The following CSK variants were observed in gnomAD, a reference collection of about 807,000 sequenced individuals.
CSK encodes C-terminal Src kinase.
In CSK, 7 loss-of-function variants were observed where a neutral mutation model predicts 62.3. That is an observed-to-expected ratio of 0.11 (90% CI 0.06 to 0.21). The LOEUF (loss-of-function observed/expected upper bound fraction) is 0.21. CSK is among the 10% of genes least tolerant of loss of function. CSK has a pLI of 1.00. For missense variants in CSK, 294 were observed against 613.5 expected, an observed-to-expected ratio of 0.48 and a Z score of 5.50; for synonymous variants, 237 against 246.0, an observed-to-expected ratio of 0.96 and a Z score of 0.34.
chr15:74,799,760 C>T (rs1340952220), intron 5 of CSK, among the ~76,000 whole-genome samples: 1 of 152,208 alleles, frequency 6.6e-6, no homozygotes, highest in Non-Finnish European at 1.5e-5. Context: ...AGGGGACCCA[C>T]CTGAGGTCCC....
Position 74,802,226 on chromosome 15 carries a change from G to A in CSK, c.1171-105G>A, listed in dbSNP as rs1012894897. On this transcript the variant is annotated intron_variant, in intron 12 of 12. Coordinates refer to ENST00000220003, the MANE Select transcript of CSK (RefSeq NM_004383.3). ...GGGGAGCTCACAGGCCACTCTCCGG[G>A]CCTGGGTCTGCGGCAAAGCTGATGG... 13 of 1,416,038 alleles carry A rather than the reference G, an allele frequency of 9.2e-6. No individual in the cohort carries two copies. In the African/African-American group the frequency reaches 1.9e-4, roughly 20 times the overall value. The allele number at this position is 1,416,038 out of a possible 1,614,324, so 87.7% of individuals were successfully genotyped here.
At chr15:74,792,581 T>C (rs1367017859) in intron 1 of CSK, among the ~76,000 whole-genome samples, 1 of 152,132 alleles carries the variant, frequency 6.6e-6, no homozygotes, top group East Asian at 1.9e-4. Flanking sequence ...AAGGACCCCC[T>C]CTCTGTGCCT....
rs1167598984 is a variant in CSK, at chr15:74,802,700, C to G, written c.*187C>G. On this transcript the variant is annotated 3_prime_UTR_variant, in exon 13 of 13. Transcript: ENST00000220003. ...GGACCCACCTGTGGGGCCTGGGGAGCCCACTGAGGGGCCAGGGAGGAAGGA... is the reference window on the plus strand; with the variant it reads ...GGACCCACCTGTGGGGCCTGGGGAGGCCACTGAGGGGCCAGGGAGGAAGGA... 1.5e-6 allele frequency: 1 copy of G among 678,306 alleles called. No homozygotes were observed. Among genetic ancestry groups the G allele is most frequent in the African/African-American group, 1.9e-5 (1 of 52,044 alleles). 42.0% of individuals were successfully genotyped at this position (678,306 alleles called of 1,614,324 possible). A position where few individuals can be genotyped will look rare whatever the true frequency, so the allele number is the denominator to read the frequency against.
chr15:74,792,383 G>A (rs1004435877), intron 1 of CSK, among the ~76,000 whole-genome samples: 1 of 152,148 alleles, frequency 6.6e-6, no homozygotes, highest in Admixed American at 6.5e-5. Flanking sequence ...GGCAACAGCA[G>A]ATGGGAAACA....
intron 7 of CSK, 27 bp from the exon 8 acceptor site, chr15:74,800,796 G>A: frequency 6.2e-7 from 1 of 1,601,668 alleles, no homozygotes; most frequent in Non-Finnish European, 8.5e-7. Context: ...TCCGAACTTG[G>A]GAACAAGACC....
At chr15:74,800,527 C>A in intron 6 of CSK, 22 bp downstream of exon 6, 1 of 1,607,184 alleles carries the variant, frequency 6.2e-7, no homozygotes, top group Non-Finnish European at 8.5e-7. Context: ...CCACCCCAGA[C>A]CTCTTGCCCA....
At chr15:74,801,419 C>A in intron 9 of CSK, 103 bp from the exon 10 acceptor site, 1 of 1,164,808 alleles carries the variant, frequency 8.6e-7, no homozygotes, top group South Asian at 1.5e-5. Context: ...TTCCCTGTCT[C>A]ACACCTCCCT....
chr15:74,798,886 T>C lies in CSK; in HGVS notation c.190T>C (p.Tyr64His). 6.4e-7 allele frequency: 1 copy of C among 1,550,896 alleles called. No homozygotes were observed. Among genetic ancestry groups the C allele is most frequent in the Non-Finnish European group, 8.7e-7 (1 of 1,149,260 alleles). The change falls in exon 4 of 13, where the codon TAC (tyrosine) becomes CAC (histidine). Residue 64 changes from tyrosine (Y) to histidine (H), a missense_variant. Physicochemically the swap from Tyr to His is moderately conservative, Grantham distance 83 (BLOSUM62 2). Coordinates refer to ENST00000220003, the MANE Select transcript of CSK (RefSeq NM_004383.3). The surrounding 1 kb of genome is among the most constrained non-coding windows in gnomAD (Gnocchi z 6.6). ...CCGTGAGGGCATCATCCCAGCCAAC[T>C]ACGTCCAGAAGCGGGAGGGCGTGAA... ...VGREGIIPAN[Y>H]VQKREGVKAG...
chr15:74,785,589 CAACT>C lies in CSK; in HGVS notation c.-66+2877_-66+2880del, dbSNP rs1204517935. ...TCAGAGGAAGGTGTAAGGACAGTGTCAACTAACTAACCAAGGGACTCTAAAGTGC... is the reference window on the plus strand; with the variant it reads ...TCAGAGGAAGGTGTAAGGACAGTGTCAACTAACCAAGGGACTCTAAAGTGC... On this transcript the variant is annotated intron_variant, in intron 1 of 12. Transcript: ENST00000220003. 2.6e-5 allele frequency among the ~76,000 whole-genome samples: 4 copies of C among 152,328 alleles called. No homozygotes were observed. In the South Asian group the frequency reaches 6.2e-4, roughly 24 times the overall value.
chr15:74,802,220 C>T, intron 12 of CSK, 111 bp from the exon 13 acceptor site: 2 of 1,400,962 alleles, frequency 1.4e-6, no homozygotes, highest in Non-Finnish European at 1.9e-6. Context: ...ACAGGCCACT[C>T]TCCGGGCCTG....
rs1017014764 is a variant in CSK at position 74,790,746 on chromosome 15, T to C, written c.-65-7487T>C. 3 of 152,260 alleles carry C rather than the reference T, an allele frequency of 2.0e-5. No individual in the cohort carries two copies. The East Asian group carries it at 5.8e-4, about 29-fold the overall frequency. The allele number at this position is 152,260 out of a possible 1,614,324, so 9.4% of individuals were successfully genotyped here. ...GTTCATTCATTCATTCATTCAGCAC[T>C]CATTTACTGAGCAGCCGCTTTGGGC... is the stretch of plus-strand genomic sequence containing the variant. On this transcript the variant is annotated intron_variant, in intron 1 of 12. Coordinates refer to ENST00000220003, the MANE Select transcript of CSK (RefSeq NM_004383.3).
rs1343673404 is a variant in CSK at position 74,782,264 on chromosome 15, C to T, written c.-522C>T. On this transcript the variant is annotated 5_prime_UTR_variant, in exon 1 of 13. Coordinates refer to ENST00000220003, the MANE Select transcript of CSK (RefSeq NM_004383.3). This position sits in a 1 kb window ranked among gnomAD's most constrained non-coding sequence, Gnocchi z 5.7. ...GAGCCGGGCGACCGCCCGGCTGCGC[C>T]GCCGTCGGGGCCGTAACCCGGCCCG... The T allele has an allele frequency of 6.7e-6, 1 of 149,024 alleles. No homozygotes were observed. The highest frequency in any genetic ancestry group is 6.7e-5 in the Admixed American group (1 of 14,986). 9.2% of individuals were successfully genotyped at this position (149,024 alleles called of 1,614,324 possible).
At chr15:74,783,485 C>G (rs2063469200) in intron 1 of CSK, among the ~76,000 whole-genome samples, 1 of 152,192 alleles carries the variant, frequency 6.6e-6, no homozygotes, top group Non-Finnish European at 1.5e-5. Flanking sequence ...AACCGAGGCT[C>G]AAAGGGAGAA....
chr15:74,785,026 C>A (rs1378942), intron 1 of CSK, among the ~76,000 whole-genome samples: 66,036 of 152,054 alleles, frequency 0.43, 18,755 homozygotes, highest in Non-Finnish European at 0.66. Flanking sequence ...TATAGGGAAA[C>A]CATGAATGTA....
At chr15:74,784,828 C>G (rs796182109) in intron 1 of CSK, among the ~76,000 whole-genome samples, 2 of 152,292 alleles carry the variant, frequency 1.3e-5, no homozygotes, top group African/African-American at 4.8e-5. Flanking sequence ...GATTTTAAAA[C>G]CTTGACAGGT....
In CSK at chr15:74,802,757, G is replaced by A. The variant is rs921292915; in HGVS notation, c.*244G>A. The A allele has an allele frequency of 3.7e-5, 17 of 459,988 alleles. No individual in the cohort carries two copies. The highest frequency in any genetic ancestry group is 2.1e-4 in the African/African-American group (10 of 48,674). 28.5% of individuals were successfully genotyped at this position (459,988 alleles called of 1,614,324 possible). A position where few individuals can be genotyped will look rare whatever the true frequency, so the allele number is the denominator to read the frequency against. ...GGAGCGGGAGGCAGCGCCCCACCAC[G>A]TCGGGCTTCCCTGGCCTCCCGCCAC... is the stretch of plus-strand genomic sequence containing the variant. On this transcript the variant is annotated 3_prime_UTR_variant, in exon 13 of 13. Transcript: ENST00000220003.
chr15:74,798,560 C>A lies in CSK; in HGVS notation c.16-55C>A. On this transcript the variant is annotated intron_variant, in intron 2 of 12. Coordinates refer to ENST00000220003, the MANE Select transcript of CSK (RefSeq NM_004383.3). The surrounding 1 kb of genome is among the most constrained non-coding windows in gnomAD (Gnocchi z 6.6). The stretch of plus-strand genomic sequence containing the variant: ...GGCTGTGACCACGAGGGTGCGCCAG[C>A]AGGTGGCTGGAGGGGGCCCAGGCTG... 6.6e-7 allele frequency: 1 copy of A among 1,506,914 alleles called. No homozygotes were observed. The highest frequency in any genetic ancestry group is 9.2e-7 in the Non-Finnish European group (1 of 1,088,368). The allele number at this position is 1,506,914 out of a possible 1,614,324, so 93.3% of individuals were successfully genotyped here.
intron 5 of CSK, 62 bp downstream of exon 5, chr15:74,799,553 C>T: frequency 6.6e-7 from 1 of 1,512,190 alleles, no homozygotes; most frequent in South Asian, 1.2e-5. Flanking sequence ...ATCTGGGGCC[C>T]TGGCTTCTAG....
At chr15:74,783,030 G>GT (rs2063460554) in intron 1 of CSK, among the ~76,000 whole-genome samples, 1 of 152,180 alleles carries the variant, frequency 6.6e-6, no homozygotes, top group Non-Finnish European at 1.5e-5. Context: ...AAGAGGATCC[G>GT]TATGGGCCAG....
Sources: allele counts gnomAD v4.1 joint callset (sites outside exome capture counted in the v4.1 genomes callset), GRCh38; gene constraint gnomAD v4.1.1; non-coding constraint Gnocchi (gnomAD v3.1); transcripts MANE v1.5; gene names NCBI Gene and HGNC (gene_info 2026-07-23, HGNC 2026-07-21).